Variants in GRAMD2A observed in about 807,000 individuals in gnomAD.
GRAMD2A encodes GRAM domain-containing protein 2A.
In GRAMD2A, 37 loss-of-function variants were observed where a neutral mutation model predicts 51.1. The observed-to-expected ratio is 0.72, with a 90% CI of 0.56 to 0.95. The LOEUF is 0.95. Among genes scored for constraint, GRAMD2A ranks in the 40% least tolerant of loss-of-function variants. The pLI, the probability that GRAMD2A is intolerant of heterozygous loss-of-function variation, is 0.00. For synonymous variants in GRAMD2A, 136 were observed against 157.1 expected (o/e 0.87, Z 1.01); for missense variants, 414 against 426.9 (o/e 0.97, Z 0.27).
chr15:72,197,659 C>A, intron 1 of GRAMD2A, 72 bp downstream of exon 1: 1 of 1,195,926 alleles, frequency 8.4e-7, no homozygotes, highest in South Asian at 2.7e-5. Flanking sequence ...GCCGTCCTGC[C>A]CCGCGCGGCA....
chr15:72,187,488 A>G (rs1019124457), intron 1 of GRAMD2A, among the ~76,000 whole-genome samples: 1 of 152,080 alleles, frequency 6.6e-6, no homozygotes, highest in East Asian at 1.9e-4. Flanking sequence ...AAAACTAAAA[A>G]AAAAACAACA....
At chr15:72,185,715 G>A (rs2081730648) in intron 1 of GRAMD2A, among the ~76,000 whole-genome samples, 1 of 152,224 alleles carries the variant, frequency 6.6e-6, no homozygotes, top group African/African-American at 2.4e-5. Context: ...GATCAATGGA[G>A]CATAAGACAG....
chr15:72,192,244 T>C (rs1274427976), intron 1 of GRAMD2A, among the ~76,000 whole-genome samples: 2 of 152,212 alleles, frequency 1.3e-5, no homozygotes, highest in African/African-American at 4.8e-5. Flanking sequence ...CTATTCTCTC[T>C]CCTTTTGTAT....
At chr15:72,193,503 C>A (rs1057399654) in intron 1 of GRAMD2A, among the ~76,000 whole-genome samples, 2 of 151,858 alleles carry the variant, frequency 1.3e-5, no homozygotes, top group Non-Finnish European at 2.9e-5. Flanking sequence ...CAGGCGTGAG[C>A]CACCACACCC....
chr15:72,165,014 C>CTGTA (rs1331376291), intron 8 of GRAMD2A, among the ~76,000 whole-genome samples: 1 of 152,230 alleles, frequency 6.6e-6, no homozygotes. Context: ...TGGCAAGTGC[C>CTGTA]TGTAATCCCA....
At chr15:72,175,022 T>C (rs2081642370) in intron 1 of GRAMD2A, among the ~76,000 whole-genome samples, 1 of 152,096 alleles carries the variant, frequency 6.6e-6, no homozygotes, top group Non-Finnish European at 1.5e-5. Flanking sequence ...TCTAGACGTG[T>C]CCATGCATGT....
intron 2 of GRAMD2A, chr15:72,169,469 C>T (rs552133283): frequency 1.4e-4 from 74 of 522,788 alleles, no homozygotes; most frequent in African/African-American, 1.0e-3. Context: ...CCCTCCCTGC[C>T]GCCTCCTTCC....
intron 1 of GRAMD2A, among the ~76,000 whole-genome samples, chr15:72,175,025 A>G (rs1051835324): frequency 3.3e-5 from 5 of 151,864 alleles, no homozygotes; most frequent in Admixed American, 1.3e-4. Flanking sequence ...AGACGTGTCC[A>G]TGCATGTAAT....
chr15:72,163,318 T>G lies in GRAMD2A; in HGVS notation c.904A>C (p.Thr302Pro). The change falls in exon 10 of 12, where the codon ACT becomes CCT. Residue 302 changes from threonine to proline, a missense_variant. Thr to Pro is a conservative substitution (Grantham distance 38). Transcript: ENST00000309731. ...EDELEEEPRS[T>P]GELRLWDYRL... ...TAATCCCAGAGCCTCAGCTCCCCAGTGCTCCTGGGCTCCTCCTCCAGCTCA... is the reference window on the plus strand; with the variant it reads ...TAATCCCAGAGCCTCAGCTCCCCAGGGCTCCTGGGCTCCTCCTCCAGCTCA... 1 of 1,612,984 alleles carries G rather than the reference T, an allele frequency of 6.2e-7. No individual in the cohort carries two copies. Among genetic ancestry groups the G allele is most frequent in the Non-Finnish European group, 8.5e-7 (1 of 1,178,958 alleles).
chr15:72,196,492 G>C (rs913581588), intron 1 of GRAMD2A, among the ~76,000 whole-genome samples: 1 of 151,932 alleles, frequency 6.6e-6, no homozygotes, highest in Non-Finnish European at 1.5e-5. Context: ...CTCCAGCCTG[G>C]GTGACAGAGT....
chr15:72,176,824 G>T (rs1040561073), intron 1 of GRAMD2A, among the ~76,000 whole-genome samples: 1 of 147,496 alleles, frequency 6.8e-6, no homozygotes, highest in Non-Finnish European at 1.5e-5. Flanking sequence ...AAGTGTAGCC[G>T]CTGGGTGCAC....
chr15:72,164,904 G>A lies in GRAMD2A; in HGVS notation c.600+450C>T, dbSNP rs549174199. ...CTATAATCCCAGCACTTTGGGAGGC[G>A]GAGGCCAGTGGATCACTTGAGGCCA... On this transcript the variant is annotated intron_variant, in intron 8 of 11. Transcript: ENST00000309731. Among the ~76,000 whole-genome samples, 18 of 152,258 alleles carry A rather than the reference G, an allele frequency of 1.2e-4. No homozygotes were observed. The South Asian group carries it at 3.1e-3, about 26-fold the overall frequency.
At chr15:72,177,984 T>C (rs2081667445) in intron 1 of GRAMD2A, among the ~76,000 whole-genome samples, 1 of 152,218 alleles carries the variant, frequency 6.6e-6, no homozygotes, top group Non-Finnish European at 1.5e-5. Flanking sequence ...CGCCTCGGCC[T>C]CCCAAAGTGC....
rs1300193076 is a variant in GRAMD2A, at chr15:72,163,461, T to C, written c.761A>G (p.Gln254Arg). The change falls in exon 10 of 12, where the codon CAA (glutamine) becomes CGA (arginine). Residue 254 changes from glutamine (Q) to arginine (R), a missense_variant. Physicochemically the swap from Gln to Arg is conservative, Grantham distance 43 (BLOSUM62 1). Coordinates refer to ENST00000309731, the MANE Select transcript of GRAMD2A (RefSeq NM_001012642.3). ...KPPMSEKSRA[Q>R]VASENGGRWA... is the part of the protein sequence containing the mutation. ...CCTCCCACCATTTTCTGAAGCTACT[T>C]GGGCTCTTGACTTTTCTTTATGGAT... is the stretch of plus-strand genomic sequence containing the variant. The C allele has an allele frequency of 6.2e-7, 1 of 1,614,102 alleles. No individual in the cohort carries two copies. Among genetic ancestry groups the C allele is most frequent in the South Asian group, 1.1e-5 (1 of 91,076 alleles).
At chr15:72,165,278 C>T in intron 8 of GRAMD2A, 76 bp downstream of exon 8, 3 of 1,367,584 alleles carry the variant, frequency 2.2e-6, no homozygotes, top group Non-Finnish European at 3.1e-6. Context: ...TTGTGGGCCC[C>T]CCTAGGAGGC....
At chr15:72,173,665 A>G (rs1372079263) in intron 1 of GRAMD2A, 5 of 152,190 alleles carry the variant, frequency 3.3e-5, no homozygotes, top group Non-Finnish European at 5.9e-5. Context: ...GTAGTGGCTT[A>G]TGCCTGTAAG....
chr15:72,188,770 A>T (rs965913644), intron 1 of GRAMD2A, among the ~76,000 whole-genome samples: 5 of 151,378 alleles, frequency 3.3e-5, no homozygotes, highest in Non-Finnish European at 7.4e-5. Context: ...GCAACCTCCG[A>T]CCCCCAGGTT....
Position 72,166,022 on chromosome 15 carries a change from C to T in GRAMD2A, c.543+610G>A, listed in dbSNP as rs190857562. Among the ~76,000 whole-genome samples the T allele has an allele frequency of 7.9e-5, 12 of 152,244 alleles. No homozygotes were observed. The East Asian group carries it at 2.1e-3, about 27-fold the overall frequency. The stretch of plus-strand genomic sequence containing the variant: ...TAGCTGGGATTACAGGTGCCTGCCA[C>T]CACACCCGGCTAATTTTTGTATTTT... On this transcript the variant is annotated intron_variant, in intron 7 of 11. Coordinates refer to ENST00000309731, the MANE Select transcript of GRAMD2A (RefSeq NM_001012642.3). The surrounding 1 kb of genome is among the most constrained non-coding windows in gnomAD (Gnocchi z 4.1).
intron 1 of GRAMD2A, among the ~76,000 whole-genome samples, chr15:72,194,363 G>A (rs537040494): frequency 1.4e-4 from 22 of 152,290 alleles, no homozygotes; most frequent in African/African-American, 2.9e-4. Flanking sequence ...TCCGAAACTG[G>A]GAAGGAAATT....
Sources: allele counts gnomAD v4.1 joint callset (sites outside exome capture counted in the v4.1 genomes callset), GRCh38; gene constraint gnomAD v4.1.1; non-coding constraint Gnocchi (gnomAD v3.1); transcripts MANE v1.5; gene names NCBI Gene and HGNC (gene_info 2026-07-23, HGNC 2026-07-21).